The following SAMMSON variants were observed in gnomAD, a reference collection of about 807,000 sequenced individuals.
The protein encoded by SAMMSON is long intergenic non-protein coding RNA 1212.
At chr3:70,197,718 C>T (rs1023288163) in intron 4 of SAMMSON, among the ~76,000 whole-genome samples, 1 of 152,188 alleles carries the variant, frequency 6.6e-6, no homozygotes, top group African/African-American at 2.4e-5. Context: ...AATATAAATG[C>T]TTTTTAAAAT....
chr3:70,196,500 C>T (rs561558229), intron 4 of SAMMSON, among the ~76,000 whole-genome samples: 1 of 152,220 alleles, frequency 6.6e-6, no homozygotes, highest in African/African-American at 2.4e-5. Flanking sequence ...AATGTTTATG[C>T]ATGAGTCCAT....
rs147775137 is a variant in SAMMSON, at chr3:70,193,841, T to C, written n.508-55266T>C. On this transcript the variant is annotated intron_variant and non_coding_transcript_variant, in intron 4 of 9. Coordinates refer to ENST00000642114, the Ensembl canonical transcript of SAMMSON. The stretch of plus-strand genomic sequence containing the variant: ...TGGGTAATTAATTCTGCCTATCAAA[T>C]ATTTCCATCTATACATTTATCCTTG... 2.9e-3 allele frequency among the ~76,000 whole-genome samples: 436 copies of C among 152,322 alleles called. 1 individual carries two copies. Among genetic ancestry groups the C allele is most frequent in the Middle Eastern group, 0.02 (6 of 294 alleles).
In SAMMSON at chr3:70,352,027, C is replaced by T. The variant is rs567416124; in HGVS notation, n.740-2148C>T. Among the ~76,000 whole-genome samples the T allele has an allele frequency of 2.6e-5, 4 of 151,402 alleles. No homozygotes were observed. The South Asian group carries it at 8.4e-4, about 32-fold the overall frequency. On this transcript the variant is annotated intron_variant and non_coding_transcript_variant, in intron 7 of 9. Coordinates refer to ENST00000642114, the Ensembl canonical transcript of SAMMSON. ...AATGAAAAGGATATAATATTCATGT[C>T]TTTGGAGTCCTGATAGGAGAGAAGA...
chr3:70,254,022 C>A lies in SAMMSON; in HGVS notation n.674+4352C>A, dbSNP rs79649575. On this transcript the variant is annotated intron_variant and non_coding_transcript_variant, in intron 6 of 9. Coordinates refer to ENST00000642114, the Ensembl canonical transcript of SAMMSON. Reference sequence around the variant, plus strand: ...AGGGTTAACAAATGCAGAGATAAGACTAATTATGAATCTGTACAGTTTGAT... The same window carrying A: ...AGGGTTAACAAATGCAGAGATAAGAATAATTATGAATCTGTACAGTTTGAT... Among the ~76,000 whole-genome samples, 898 of 152,208 alleles carry A rather than the reference C, an allele frequency of 5.9e-3. 9 individuals are homozygous for A. The highest frequency in any genetic ancestry group is 0.021 in the African/African-American group (879 of 41,536).
At chr3:70,393,213 T>A (rs1449245999), downstream of SAMMSON, among the ~76,000 whole-genome samples, 2 of 152,216 alleles carry the variant, frequency 1.3e-5, no homozygotes, top group African/African-American at 4.8e-5. Flanking sequence ...TTCTGCATTC[T>A]CAAAAGCTGG....
chr3:70,393,435 A>C (rs1701066153), downstream of SAMMSON, among the ~76,000 whole-genome samples: 1 of 152,166 alleles, frequency 6.6e-6, no homozygotes, highest in South Asian at 2.1e-4. Flanking sequence ...AATCTCTATC[A>C]CTTGTTTATG....
chr3:70,235,103 T>A (rs913884890), intron 4 of SAMMSON, among the ~76,000 whole-genome samples: 1 of 152,206 alleles, frequency 6.6e-6, no homozygotes, highest in Non-Finnish European at 1.5e-5. Context: ...TTTATGTTTT[T>A]TTCCAACCTC....
chr3:70,416,020 T>C (rs1458707086), intron 2 of SAMMSON, among the ~76,000 whole-genome samples: 1 of 152,178 alleles, frequency 6.6e-6, no homozygotes, highest in East Asian at 1.9e-4. Flanking sequence ...AAGCTTTAGA[T>C]AGAAACCTAA....
rs201506183 is a variant in SAMMSON at position 70,242,950 on chromosome 3, TA to T, written n.508-6150del. 2.2e-4 allele frequency among the ~76,000 whole-genome samples: 34 copies of T among 152,264 alleles called. 1 individual carries two copies. The East Asian group carries it at 5.6e-3, about 25-fold the overall frequency. On this transcript the variant is annotated intron_variant and non_coding_transcript_variant, in intron 4 of 9. Transcript: ENST00000642114. ...AAAAACAACCATCAAAAAAAGACTT[TA>T]AAAAAATTGCCCCAGGCCTAACCTA... is the stretch of plus-strand genomic sequence containing the variant.
chr3:70,096,022 C>G (rs1281264917), intron 4 of SAMMSON: 1 of 152,190 alleles, frequency 6.6e-6, no homozygotes, highest in Non-Finnish European at 1.5e-5. Context: ...CTCAGGGTCT[C>G]TCACAAGTCA....
At chr3:70,263,287 T>TA (rs143296783) in intron 6 of SAMMSON, among the ~76,000 whole-genome samples, 3,519 of 152,234 alleles carry the variant, frequency 0.023, 119 homozygotes, top group African/African-American at 0.071. Flanking sequence ...TGCTGGTTTT[T>TA]AAAAAAATAT....
At chr3:70,196,243 A>T (rs1016111446) in intron 4 of SAMMSON, among the ~76,000 whole-genome samples, 6 of 152,188 alleles carry the variant, frequency 3.9e-5, no homozygotes, top group Non-Finnish European at 8.8e-5. Context: ...CTGTTATGAC[A>T]TAGTCATAGA....
At chr3:70,228,896 G>A (rs1701533520) in intron 4 of SAMMSON, among the ~76,000 whole-genome samples, 1 of 152,106 alleles carries the variant, frequency 6.6e-6, no homozygotes, top group Non-Finnish European at 1.5e-5. Flanking sequence ...TAGTACGTGA[G>A]GAGAAACTCA....
At chr3:70,317,917 A>T (rs561490534) in intron 7 of SAMMSON, among the ~76,000 whole-genome samples, 4 of 151,868 alleles carry the variant, frequency 2.6e-5, no homozygotes, top group Non-Finnish European at 5.9e-5. Context: ...TTTATGCTGA[A>T]TATAGAATTC....
At chr3:70,329,962 T>G (rs570258810) in intron 7 of SAMMSON, among the ~76,000 whole-genome samples, 24 of 151,956 alleles carry the variant, frequency 1.6e-4, no homozygotes, top group Non-Finnish European at 3.1e-4. Context: ...TTGAAATAAT[T>G]TACAAGAAAA....
chr3:70,077,584 A>C (rs2106639553), intron 4 of SAMMSON, among the ~76,000 whole-genome samples: 1 of 152,264 alleles, frequency 6.6e-6, no homozygotes, highest in East Asian at 1.9e-4. Flanking sequence ...GATAGTTCGT[A>C]ATTACATATA....
intron 4 of SAMMSON, among the ~76,000 whole-genome samples, chr3:70,243,853 T>G (rs1208348982): frequency 6.6e-6 from 1 of 152,182 alleles, no homozygotes; most frequent in African/African-American, 2.4e-5. Flanking sequence ...TAGGAGGATA[T>G]GTGGAGGAAT....
At chr3:70,099,967 T>G (rs1005862142) in intron 4 of SAMMSON, among the ~76,000 whole-genome samples, 2 of 152,136 alleles carry the variant, frequency 1.3e-5, no homozygotes, top group Non-Finnish European at 2.9e-5. Flanking sequence ...CCACATGAGT[T>G]TTGCCAACTT....
chr3:70,124,809 C>A (rs2106669481), intron 4 of SAMMSON, among the ~76,000 whole-genome samples: 2 of 66,006 alleles, frequency 3.0e-5, no homozygotes, highest in African/African-American at 6.6e-5. Flanking sequence ...AGCGAGACTC[C>A]ATCTCAAAAA....
Sources: gnomAD v4.1 joint callset for allele counts (sites outside exome capture counted in the v4.1 genomes callset) on GRCh38, gnomAD v4.1.1 for gene constraint, MANE v1.5 for transcripts, NCBI Gene and HGNC (gene_info 2026-07-23, HGNC 2026-07-21) for gene names.